The following ARHGAP24 variants were observed in gnomAD, a reference collection of about 807,000 sequenced individuals.
ARHGAP24 encodes Rho GTPase activating protein 24.
Under a neutral mutation model 76.4 loss-of-function variants are expected in ARHGAP24, and 50 were observed. The ratio of observed to expected loss-of-function variants is 0.65; its 90% CI spans 0.52 to 0.83. ARHGAP24 has a LOEUF of 0.83. Among genes scored for constraint, ARHGAP24 ranks in the 40% least tolerant of loss-of-function variants. ARHGAP24 has a pLI of 0.00. For missense variants in ARHGAP24, 930 were observed against 914.2 expected (o/e 1.02, Z -0.22); for synonymous variants, 345 against 323.3 (o/e 1.07, Z -0.72).
intron 8 of ARHGAP24, among the ~76,000 whole-genome samples, chr4:85,988,214 A>G (rs1249407790): frequency 1.3e-5 from 2 of 151,926 alleles, no homozygotes; most frequent in Admixed American, 1.3e-4. Flanking sequence ...GAGTCCAGAT[A>G]GACACATGTG....
Position 85,857,360 on chromosome 4 carries a change from T to G in ARHGAP24, c.269-66288T>G, listed in dbSNP as rs908680426. ...AAAAGTAAATACATAATGTAGTAAG[T>G]AAAATTCCTAGGAAAAGAGTATCCA... On this transcript the variant is annotated intron_variant, in intron 3 of 9. Coordinates refer to ENST00000395184, the MANE Select transcript of ARHGAP24 (RefSeq NM_001025616.3). Among the ~76,000 whole-genome samples the G allele has an allele frequency of 1.6e-4, 25 of 152,212 alleles. 1 individual carries two copies. The highest frequency in any genetic ancestry group is 7.3e-5 in the Non-Finnish European group (5 of 68,034).
intron 2 of ARHGAP24, 32 bp downstream of exon 2, chr4:85,570,753 C>A: frequency 6.2e-7 from 1 of 1,610,240 alleles, no homozygotes; most frequent in Non-Finnish European, 8.5e-7. Context: ...GCATTAAGGG[C>A]CTAAGAAAGC....
At chr4:85,741,400 T>C (rs1725822416) in intron 3 of ARHGAP24, among the ~76,000 whole-genome samples, 1 of 152,246 alleles carries the variant, frequency 6.6e-6, no homozygotes, top group South Asian at 2.1e-4. Context: ...AAACAGGGTT[T>C]TTGTTTTCAT....
intron 3 of ARHGAP24, among the ~76,000 whole-genome samples, chr4:85,857,669 ACT>A (rs1383658866): frequency 4.6e-5 from 7 of 152,174 alleles, no homozygotes; most frequent in African/African-American, 7.2e-5. Context: ...GTAGATCCTT[ACT>A]CTCTCAGACT....
At chr4:85,704,835 A>T (rs1200116677) in intron 2 of ARHGAP24, among the ~76,000 whole-genome samples, 1 of 152,086 alleles carries the variant, frequency 6.6e-6, no homozygotes, top group Non-Finnish European at 1.5e-5. Context: ...AAGATTTTTG[A>T]ATGTATAAGC....
At chr4:85,924,011 G>C (rs984892056) in intron 4 of ARHGAP24, among the ~76,000 whole-genome samples, 2 of 147,730 alleles carry the variant, frequency 1.4e-5, no homozygotes, top group South Asian at 2.1e-4. Context: ...AAATGGGTGG[G>C]TTTTTTTTTT....
At chr4:85,956,799 A>C (rs3943730) in intron 5 of ARHGAP24, among the ~76,000 whole-genome samples, 31,711 of 152,002 alleles carry the variant, frequency 0.21, 3,545 homozygotes, top group South Asian at 0.39. Flanking sequence ...AGGCAGCAAA[A>C]AGCAGTGGTG....
intron 3 of ARHGAP24, among the ~76,000 whole-genome samples, chr4:85,774,438 A>C (rs113430873): frequency 6.6e-6 from 1 of 152,306 alleles, no homozygotes; most frequent in Middle Eastern, 3.4e-3. Flanking sequence ...TGCTCGCAAG[A>C]GTTGGCAGGT....
intron 5 of ARHGAP24, among the ~76,000 whole-genome samples, chr4:85,947,241 C>G (rs1041585987): frequency 1.3e-5 from 2 of 152,078 alleles, no homozygotes; most frequent in African/African-American, 4.8e-5. Flanking sequence ...AGACCTTTGT[C>G]AGATGCACAG....
At chr4:85,495,860 A>T (rs13126084) in intron 1 of ARHGAP24, among the ~76,000 whole-genome samples, 6,031 of 152,242 alleles carry the variant, frequency 0.04, 155 homozygotes, top group East Asian at 0.097. Flanking sequence ...GTAATTTATG[A>T]CTGTCAGCAT....
At chr4:85,752,041 G>A (rs1189378463) in intron 3 of ARHGAP24, among the ~76,000 whole-genome samples, 1 of 152,134 alleles carries the variant, frequency 6.6e-6, no homozygotes, top group Non-Finnish European at 1.5e-5. Flanking sequence ...TGGAGATGTG[G>A]CAAGGAAGAG....
intron 2 of ARHGAP24, among the ~76,000 whole-genome samples, chr4:85,640,566 A>G (rs1165739658): frequency 3.3e-5 from 5 of 152,200 alleles, no homozygotes; most frequent in Admixed American, 2.6e-4. Context: ...GACACTTTAG[A>G]GTTTATTAAA....
intron 5 of ARHGAP24, among the ~76,000 whole-genome samples, chr4:85,943,205 G>C (rs983089856): frequency 6.6e-6 from 1 of 152,064 alleles, no homozygotes; most frequent in Non-Finnish European, 1.5e-5. Flanking sequence ...GGAGTTTTTG[G>C]ATAAGAGTAA....
chr4:85,710,562 T>C (rs1219331176), intron 2 of ARHGAP24, among the ~76,000 whole-genome samples: 1 of 152,164 alleles, frequency 6.6e-6, no homozygotes, highest in Admixed American at 6.6e-5. Flanking sequence ...TTGCATACTA[T>C]GCCTCTGACA....
intron 3 of ARHGAP24, among the ~76,000 whole-genome samples, chr4:85,879,272 T>A (rs995888539): frequency 6.6e-6 from 1 of 152,170 alleles, no homozygotes; most frequent in Non-Finnish European, 1.5e-5. Context: ...CTCTGGTGAT[T>A]TTTTCCATTA....
intron 2 of ARHGAP24, among the ~76,000 whole-genome samples, chr4:85,665,649 G>T (rs949713278): frequency 2.6e-5 from 4 of 152,172 alleles, no homozygotes; most frequent in Admixed American, 6.5e-5. Context: ...GCAGCGGCTG[G>T]TACCGGTTTT....
chr4:85,882,073 A>G (rs551299462), intron 3 of ARHGAP24, among the ~76,000 whole-genome samples: 3 of 152,274 alleles, frequency 2.0e-5, no homozygotes, highest in African/African-American at 4.8e-5. Flanking sequence ...AGAAGATCCA[A>G]TTTCAGGGAT....
chr4:85,910,416 G>A (rs375184984), intron 3 of ARHGAP24, among the ~76,000 whole-genome samples: 2 of 152,282 alleles, frequency 1.3e-5, no homozygotes, highest in East Asian at 3.9e-4. Flanking sequence ...ACAAGTGGAG[G>A]GCAAGCAAAA....
intron 5 of ARHGAP24, among the ~76,000 whole-genome samples, chr4:85,969,030 T>C (rs1738799480): frequency 6.6e-6 from 1 of 152,186 alleles, no homozygotes; most frequent in African/African-American, 2.4e-5. Flanking sequence ...CTTTCTTACC[T>C]TGATTCATGG....
Sources: gnomAD v4.1 joint callset for allele counts (sites outside exome capture counted in the v4.1 genomes callset) on GRCh38, gnomAD v4.1.1 for gene constraint, MANE v1.5 for transcripts, NCBI Gene and HGNC (gene_info 2026-07-23, HGNC 2026-07-21) for gene names.